Variants in INTS2 observed in about 807,000 individuals in gnomAD.
The protein encoded by INTS2 is KIAA1287.
A neutral mutation model predicts 139.6 loss-of-function variants in INTS2; 57 were observed. That is an observed-to-expected ratio of 0.41 (90% CI 0.33 to 0.51). The LOEUF is 0.51. Among genes scored for constraint, INTS2 ranks in the 20% least tolerant of loss-of-function variants. INTS2 has a pLI of 0.28. For missense variants in INTS2, 1,196 were observed against 1,436.7 expected (o/e 0.83, Z 2.71); for synonymous variants, 473 against 493.4 (o/e 0.96, Z 0.55).
In INTS2 at chr17:61,884,980, T is replaced by C. The variant is rs746876659; in HGVS notation, c.2010A>G (p.Ser670=). 1.9e-6 allele frequency: 3 copies of C among 1,602,420 alleles called. No individual in the cohort carries two copies. Among genetic ancestry groups the C allele is most frequent in the Non-Finnish European group, 1.7e-6 (2 of 1,173,506 alleles). ...TCTGATCCATTAAAGAAGAAGAATA[T>C]GATTTGGGCTTTCTTTGCATGGCAG... ...TLAAMQRKPK[S]YSSSLMDQIP... The change falls in exon 16 of 25, where the codon TCA becomes TCG. Residue 670 remains serine, a synonymous_variant. Transcript: ENST00000251334.
At chr17:61,883,187 C>T (rs902624267) in intron 16 of INTS2, among the ~76,000 whole-genome samples, 9 of 152,010 alleles carry the variant, frequency 5.9e-5, no homozygotes, top group Non-Finnish European at 1.0e-4. Flanking sequence ...TTGCCAAATG[C>T]TGTTAAAAAT....
At chr17:61,898,137 T>C (rs954143616) in intron 9 of INTS2, among the ~76,000 whole-genome samples, 1 of 152,134 alleles carries the variant, frequency 6.6e-6, no homozygotes, top group African/African-American at 2.4e-5. Flanking sequence ...TATCACAAAC[T>C]GAGTGCCAAA....
At position 61,926,490 on chromosome 17, in the gene INTS2, T is replaced by C. The variant is rs1202502909; in HGVS notation, c.155A>G (p.Gln52Arg). ...CTTATCCTGAGCCCAGCTTTGGCTC[T>C]GGTCAGCAGGTGCACAAAGTGCCAT... The part of the protein sequence containing the change: ...VRMALCAPAD[Q>R]SQSWAQDKKL... Residue 52 changes from glutamine (Q) to arginine (R), a missense_variant, in exon 2 of 25, where the codon CAG (glutamine) becomes CGG (arginine). By Grantham distance (43) the Gln-to-Arg change is conservative (BLOSUM62 1). Transcript: ENST00000251334. 6.2e-7 allele frequency: 1 copy of C among 1,614,062 alleles called. No individual in the cohort carries two copies.
chr17:61,925,525 C>T lies in INTS2; in HGVS notation c.294-426G>A, dbSNP rs370748103. Among the ~76,000 whole-genome samples the T allele has an allele frequency of 8.6e-5, 13 of 151,676 alleles. No homozygotes were observed. The East Asian group carries it at 2.3e-3, about 27-fold the overall frequency. ...CCAGGAGGTGGAGGTTGCAGTGAGCCGAGATCACGCCACCGCACTCCAGCC... is the reference window on the plus strand; with the variant it reads ...CCAGGAGGTGGAGGTTGCAGTGAGCTGAGATCACGCCACCGCACTCCAGCC... On this transcript the variant is annotated intron_variant, in intron 2 of 24. Transcript: ENST00000251334.
Position 61,921,838 on chromosome 17 carries a change from A to C in INTS2, c.433-11T>G. The C allele has an allele frequency of 8.3e-7, 1 of 1,207,566 alleles. No individual in the cohort carries two copies. Among genetic ancestry groups the C allele is most frequent in the Non-Finnish European group, 1.2e-6 (1 of 860,876 alleles). 74.8% of individuals were successfully genotyped at this position (1,207,566 alleles called of 1,614,324 possible). ...GTTGGACTCAGACACCTTAAAAAAG[A>C]AAAAAAAAAGATATAAACTCTATTA... On this transcript the variant is annotated splice_polypyrimidine_tract_variant and intron_variant, in intron 3 of 24. Coordinates refer to ENST00000251334, the MANE Select transcript of INTS2 (RefSeq NM_001351695.2).
chr17:61,915,337 CAAAA>C (rs1200669667), intron 5 of INTS2, among the ~76,000 whole-genome samples: 1 of 123,878 alleles, frequency 8.1e-6, no homozygotes, highest in Non-Finnish European at 1.6e-5. Flanking sequence ...GACTCCGTCT[CAAAA>C]AAATAAATAA....
In INTS2 at chr17:61,872,571, TACTA is replaced by T; in HGVS notation, c.2583-115_2583-112del. 1.7e-6 allele frequency: 1 copy of T among 577,088 alleles called. No homozygotes were observed. Among genetic ancestry groups the T allele is most frequent in the Non-Finnish European group, 2.8e-6 (1 of 354,954 alleles). The allele number at this position is 577,088 out of a possible 1,614,324, so 35.7% of individuals were successfully genotyped here. A position where few individuals can be genotyped will look rare whatever the true frequency, so the allele number is the denominator to read the frequency against. On this transcript the variant is annotated intron_variant, in intron 19 of 24. Coordinates refer to ENST00000251334, the MANE Select transcript of INTS2 (RefSeq NM_001351695.2). The surrounding 1 kb of genome is among the most constrained non-coding windows in gnomAD (Gnocchi z 4.8). ...TGCTGAGAAAAACCTGAGTAGTACA[TACTA>T]ACTTTTCCCACTAAAATATTCATTC...
At position 61,867,666 on chromosome 17, in the gene INTS2, T is replaced by G. The variant is rs772178307; in HGVS notation, c.3482A>C (p.Tyr1161Ser). The stretch of plus-strand genomic sequence containing the variant: ...TCCAGTGTCCCTGGATCCATTTTTA[T>G]AAGATGAATCTTTACAGATTTGAGA... ...GWSQICKDSS[Y>S]KNGSRDTGSM... The change falls in exon 25 of 25, where the codon TAT becomes TCT. Residue 1161 changes from tyrosine to serine, a missense_variant. This residue lies in a region of INTS2 where 1,129 missense variants were observed against 1,341.9 expected (regional missense o/e 0.84). Transcript: ENST00000251334. This position sits in a 1 kb window ranked among gnomAD's most constrained non-coding sequence, Gnocchi z 5.6. 2.5e-6 allele frequency: 4 copies of G among 1,612,916 alleles called. No homozygotes were observed.
intron 17 of INTS2, among the ~76,000 whole-genome samples, chr17:61,879,998 G>A (rs1384981156): frequency 6.6e-6 from 1 of 152,088 alleles, no homozygotes; most frequent in Middle Eastern, 3.2e-3. Context: ...CTATTTAACA[G>A]TGCTGATCTA....
At chr17:61,898,821 C>A (rs1179095498) in intron 9 of INTS2, among the ~76,000 whole-genome samples, 1 of 151,958 alleles carries the variant, frequency 6.6e-6, no homozygotes, top group Non-Finnish European at 1.5e-5. Context: ...ACCCTGTTGG[C>A]CAGGTTGGTC....
chr17:61,895,786 C>T (rs550900947), intron 11 of INTS2, among the ~76,000 whole-genome samples: 1 of 151,922 alleles, frequency 6.6e-6, no homozygotes, highest in South Asian at 2.1e-4. Context: ...ACTTTTTGCA[C>T]ATATCACACC....
Position 61,893,551 on chromosome 17 carries a change from C to T in INTS2, c.1698+214G>A, listed in dbSNP as rs555243872. 1.3e-5 allele frequency among the ~76,000 whole-genome samples: 2 copies of T among 152,036 alleles called. No individual in the cohort carries two copies. Among genetic ancestry groups the T allele is most frequent in the African/African-American group, 2.4e-5 (1 of 41,468 alleles). On this transcript the variant is annotated intron_variant, in intron 13 of 24. Coordinates refer to ENST00000251334, the MANE Select transcript of INTS2 (RefSeq NM_001351695.2). The surrounding 1 kb of genome is among the most constrained non-coding windows in gnomAD (Gnocchi z 5.4). ...CTCTACTAAAAATACAAAAATTAGC[C>T]GGGCATGGTGGCACACACCTGTAGT...
At chr17:61,899,307 A>G (rs1426637305) in intron 9 of INTS2, among the ~76,000 whole-genome samples, 1 of 151,916 alleles carries the variant, frequency 6.6e-6, no homozygotes, top group African/African-American at 2.4e-5. Flanking sequence ...CTGGAGTGCA[A>G]TGACACAATC....
At chr17:61,899,910 TA>T (rs58001968) in intron 9 of INTS2, among the ~76,000 whole-genome samples, 80,102 of 138,518 alleles carry the variant, frequency 0.58, 22,917 homozygotes, top group East Asian at 0.8. Flanking sequence ...AGATCCTATC[TA>T]AAAAAAAAAA....
At chr17:61,886,164 C>T (rs540982666) in intron 15 of INTS2, among the ~76,000 whole-genome samples, 2 of 152,158 alleles carry the variant, frequency 1.3e-5, no homozygotes, top group South Asian at 2.1e-4. Context: ...AATTCTTGTG[C>T]CTCAGCCTCC....
In INTS2 at chr17:61,923,423, G is replaced by C. The variant is rs2079671098; in HGVS notation, c.432+1538C>G. Among the ~76,000 whole-genome samples the C allele has an allele frequency of 2.1e-5, 3 of 140,302 alleles. No homozygotes were observed. The Admixed American group carries it at 2.3e-4, about 11-fold the overall frequency. The allele number at this position is 140,302 out of a possible 152,430, so 92.0% of individuals were successfully genotyped here. On this transcript the variant is annotated intron_variant, in intron 3 of 24. Coordinates refer to ENST00000251334, the MANE Select transcript of INTS2 (RefSeq NM_001351695.2). ...ACCCGGGAGGCGGAGCTTGCAGTGA[G>C]CCGAGATTGTGCCACTGCACTCCAG...
chr17:61,902,163 T>G (rs559535076), intron 9 of INTS2, among the ~76,000 whole-genome samples: 2 of 152,294 alleles, frequency 1.3e-5, no homozygotes, highest in Non-Finnish European at 2.9e-5. Context: ...AGGATTAGTT[T>G]TTTATCCCTA....
rs568452964 is a variant in INTS2, at chr17:61,873,349, C to T, written c.2583-889G>A. Among the ~76,000 whole-genome samples, 1 of 151,880 alleles carries T rather than the reference C, an allele frequency of 6.6e-6. No homozygotes were observed. The highest frequency in any genetic ancestry group is 1.5e-5 in the Non-Finnish European group (1 of 67,982). The stretch of plus-strand genomic sequence containing the variant: ...GACCAGCCTGGACAACATAGCAAGA[C>T]CCCCAACTCAAAAAATAAAAATAAA... On this transcript the variant is annotated intron_variant, in intron 19 of 24. Transcript: ENST00000251334. The surrounding 1 kb of genome is among the most constrained non-coding windows in gnomAD (Gnocchi z 4.0).
rs1340638074 is a variant in INTS2 at position 61,887,672 on chromosome 17, G to C, written c.1984+2114C>G. On this transcript the variant is annotated intron_variant, in intron 15 of 24. Coordinates refer to ENST00000251334, the MANE Select transcript of INTS2 (RefSeq NM_001351695.2). ...TGAAATTTAACAAAATTATTATAAA[G>C]TTCATGGAAAAGATTAAATATGTGA... Among the ~76,000 whole-genome samples the C allele has an allele frequency of 2.0e-5, 3 of 152,122 alleles. No individual in the cohort carries two copies. The East Asian group carries it at 5.8e-4, about 29-fold the overall frequency.
Sources: allele counts gnomAD v4.1 joint callset (sites outside exome capture counted in the v4.1 genomes callset), GRCh38; gene constraint gnomAD v4.1.1; regional missense constraint gnomAD v4.1.1; non-coding constraint Gnocchi (gnomAD v3.1); transcripts MANE v1.5; gene names NCBI Gene and HGNC (gene_info 2026-07-23, HGNC 2026-07-21).